JAKMIP3: variants seen among roughly 807,000 people sequenced by gnomAD.
JAKMIP3 encodes the protein janus kinase and microtubule-interacting protein 3.
JAKMIP3 carries 58 observed loss-of-function variants against 118.5 expected under a neutral mutation model. The ratio of observed to expected loss-of-function variants is 0.49; its 90% CI spans 0.40 to 0.61. JAKMIP3 has a LOEUF of 0.61. Ranked by LOEUF, JAKMIP3 falls within the 20% of genes least tolerant of loss-of-function variation. JAKMIP3 has a pLI of 0.00. For synonymous variants in JAKMIP3, 486 were observed against 451.2 expected (o/e 1.08, Z -0.98); for missense variants, 950 against 1,109.0 (o/e 0.86, Z 2.04).
chr10:132,070,229 C>A (rs2039619683), intron 1 of JAKMIP3, among the ~76,000 whole-genome samples: 2 of 152,068 alleles, frequency 1.3e-5, no homozygotes, highest in South Asian at 4.1e-4. Context: ...CTTACTGCAA[C>A]CTCTGCCTCC....
At chr10:132,109,339 T>TA (rs1243495552) in intron 2 of JAKMIP3, among the ~76,000 whole-genome samples, 2 of 151,890 alleles carry the variant, frequency 1.3e-5, no homozygotes, top group Admixed American at 6.6e-5. Flanking sequence ...CATTTGAGGT[T>TA]AAAAAAAGAT....
At chr10:132,066,747 T>G (rs77262364) in intron 1 of JAKMIP3, among the ~76,000 whole-genome samples, 7,013 of 152,256 alleles carry the variant, frequency 0.046, 541 homozygotes, top group African/African-American at 0.16. Context: ...TTGAGGTTAT[T>G]GCACCATGCC....
Position 132,163,325 on chromosome 10 carries a change from G to C in JAKMIP3, c.2337G>C (p.Gln779His), listed in dbSNP as rs1436789763. 1 of 1,609,768 alleles carries C rather than the reference G, an allele frequency of 6.2e-7. No homozygotes were observed. Among genetic ancestry groups the C allele is most frequent in the Non-Finnish European group, 8.5e-7 (1 of 1,179,298 alleles). The change falls in exon 20 of 24, where the codon CAG (glutamine) becomes CAC (histidine). Residue 779 changes from glutamine (Q) to histidine (H), a missense_variant. Coordinates refer to ENST00000684848, the MANE Select transcript of JAKMIP3 (RefSeq NM_001323087.2). ...AGAAGCTCAAGGTGGCCGTGGAGCAGTGGAAGCGCCAGGTCATGAGTGAGC... is the reference window on the plus strand; with the variant it reads ...AGAAGCTCAAGGTGGCCGTGGAGCACTGGAAGCGCCAGGTCATGAGTGAGC... ...EREKLKVAVE[Q>H]WKRQVMSELR... is the part of the protein sequence containing the mutation.
chr10:132,139,245 T>TGTGTGA (rs1554946367), intron 9 of JAKMIP3, among the ~76,000 whole-genome samples: 2 of 120,324 alleles, frequency 1.7e-5, no homozygotes, highest in Admixed American at 7.9e-5. Context: ...TGCATCTGTG[T>TGTGTGA]GTGTATGTGT....
Position 132,140,029 on chromosome 10 carries a change from G to A in JAKMIP3, c.1345-422G>A, listed in dbSNP as rs186265804. ...CTCACACCAGCTGGCGGAGGACCCC[G>A]TTTTTGTTTGTATTCCAATCAGTCA... On this transcript the variant is annotated intron_variant, in intron 9 of 23. Transcript: ENST00000684848. Among the ~76,000 whole-genome samples the A allele has an allele frequency of 2.7e-4, 41 of 152,272 alleles. No individual in the cohort carries two copies. In the South Asian group the frequency reaches 3.9e-3, roughly 15 times the overall value.
Position 132,112,895 on chromosome 10 carries a change from C to G in JAKMIP3, c.136-4182C>G, listed in dbSNP as rs1205655574. Among the ~76,000 whole-genome samples the G allele has an allele frequency of 1.3e-5, 2 of 152,152 alleles. No homozygotes were observed. The highest frequency in any genetic ancestry group is 4.8e-5 in the African/African-American group (2 of 41,426). On this transcript the variant is annotated intron_variant, in intron 2 of 23. Coordinates refer to ENST00000684848, the MANE Select transcript of JAKMIP3 (RefSeq NM_001323087.2). The surrounding 1 kb of genome is among the most constrained non-coding windows in gnomAD (Gnocchi z 4.3). ...GCTCCCTCTGTCTTTCCCTTCTGCC[C>G]CCTTTGGCTGCTCCATTCTTTCCTA...
chr10:132,180,724 T>G (rs28449693), intron 23 of JAKMIP3, among the ~76,000 whole-genome samples: 3 of 19,110 alleles, frequency 1.6e-4, no homozygotes. Context: ...TGTGTGCGTG[T>G]GTGTGCGTGT....
chr10:132,147,346 C>T (rs996049746), intron 13 of JAKMIP3, among the ~76,000 whole-genome samples: 3 of 152,226 alleles, frequency 2.0e-5, no homozygotes, highest in African/African-American at 7.2e-5. Flanking sequence ...CTGCTGAGGA[C>T]ACATGCCGTG....
At chr10:132,045,297 T>C (rs2037875192) in intron 1 of JAKMIP3, among the ~76,000 whole-genome samples, 1 of 152,160 alleles carries the variant, frequency 6.6e-6, no homozygotes, top group Admixed American at 6.5e-5. Context: ...TTCATGCTTG[T>C]TGGCTGCCTG....
intron 19 of JAKMIP3, among the ~76,000 whole-genome samples, chr10:132,155,473 G>C (rs899526443): frequency 6.6e-6 from 1 of 152,244 alleles, no homozygotes; most frequent in African/African-American, 2.4e-5. Context: ...TCCTCACACA[G>C]AGGGGCCAGG....
chr10:132,071,421 T>C (rs2039823575), intron 1 of JAKMIP3, among the ~76,000 whole-genome samples: 1 of 152,224 alleles, frequency 6.6e-6, no homozygotes, highest in South Asian at 2.1e-4. Context: ...GCCAGTCAGA[T>C]CCACTTGGTT....
chr10:132,099,334 G>A (rs2172129), intron 1 of JAKMIP3, among the ~76,000 whole-genome samples: 38,888 of 152,024 alleles, frequency 0.26, 5,555 homozygotes, highest in Non-Finnish European at 0.33. Flanking sequence ...GCCATAAAAC[G>A]ACTTTACCAG....
intron 12 of JAKMIP3, 66 bp downstream of exon 12, chr10:132,145,256 A>G: frequency 7.7e-7 from 1 of 1,306,602 alleles, no homozygotes; most frequent in Non-Finnish European, 1.1e-6. Flanking sequence ...GGCTGTACCT[A>G]AAGACAAGCT....
intron 1 of JAKMIP3, among the ~76,000 whole-genome samples, chr10:132,071,930 T>TC (rs1347716998): frequency 1.4e-5 from 2 of 146,942 alleles, no homozygotes; most frequent in South Asian, 2.2e-4. Flanking sequence ...TTCCTTCCTT[T>TC]CTTTCCTTTT....
At chr10:132,078,714 A>C (rs1015793538) in intron 1 of JAKMIP3, among the ~76,000 whole-genome samples, 1 of 152,032 alleles carries the variant, frequency 6.6e-6, no homozygotes, top group African/African-American at 2.4e-5. Flanking sequence ...GTTGGGTAAA[A>C]CTGCATTATT....
chr10:132,046,735 A>G (rs2037929513), intron 1 of JAKMIP3, among the ~76,000 whole-genome samples: 1 of 152,224 alleles, frequency 6.6e-6, no homozygotes, highest in African/African-American at 2.4e-5. Context: ...CCCTTCACCC[A>G]GGTTCTCCTA....
chr10:132,161,499 T>C (rs1412153574), intron 19 of JAKMIP3, among the ~76,000 whole-genome samples: 21 of 31,134 alleles, frequency 6.7e-4, no homozygotes, highest in African/African-American at 1.7e-3. Flanking sequence ...GCTGGGGGGG[T>C]CTCTTCCTGT....
chr10:132,140,338 G>A, intron 9 of JAKMIP3, 113 bp from the exon 10 acceptor site: 1 of 1,448,202 alleles, frequency 6.9e-7, no homozygotes, highest in South Asian at 1.3e-5. Flanking sequence ...AGATGGGAGT[G>A]TGTCGCAGGG....
intron 2 of JAKMIP3, among the ~76,000 whole-genome samples, chr10:132,105,407 C>A (rs532906603): frequency 1.3e-5 from 2 of 152,328 alleles, no homozygotes; most frequent in East Asian, 3.9e-4. Flanking sequence ...CACCCGTTAG[C>A]GAATGTGGAG....
Sources: allele counts gnomAD v4.1 joint callset (sites outside exome capture counted in the v4.1 genomes callset), GRCh38; gene constraint gnomAD v4.1.1; non-coding constraint Gnocchi (gnomAD v3.1); transcripts MANE v1.5; gene names NCBI Gene and HGNC (gene_info 2026-07-23, HGNC 2026-07-21).